CHM: variants seen among roughly 807,000 people sequenced by gnomAD.
CHM encodes rab proteins geranylgeranyltransferase component A 1.
Under a neutral mutation model 49.0 loss-of-function variants are expected in CHM, and 10 were observed. The observed-to-expected ratio is 0.20, with a 90% CI of 0.13 to 0.35. The LOEUF is 0.35. Ranked by LOEUF, CHM falls within the 10% of genes least tolerant of loss-of-function variation. The pLI is 1.00. For synonymous variants in CHM, 184 were observed against 167.5 expected (o/e 1.10, Z -0.76); for missense variants, 455 against 478.4 (o/e 0.95, Z 0.46).
chrX:86,036,648 G>A (rs895519594), intron 1 of CHM, among the ~76,000 whole-genome samples: 1 of 112,014 alleles, frequency 8.9e-6, no homozygotes, highest in Admixed American at 9.4e-5. Context: ...TTCAAGGTAT[G>A]GCAAGGAAAT....
At chrX:86,032,950 T>C (rs1308099404) in intron 1 of CHM, among the ~76,000 whole-genome samples, 1 of 111,588 alleles carries the variant, frequency 9.0e-6, no homozygotes, top group East Asian at 2.8e-4. Flanking sequence ...TTTCTGCAAT[T>C]TTCTAAAAAC....
chrX:85,963,500 AAT>A (rs1297895678), intron 5 of CHM, among the ~76,000 whole-genome samples, 163 bp downstream of exon 5: 6 of 112,524 alleles, frequency 5.3e-5, no homozygotes, highest in Admixed American at 1.9e-4. Context: ...GAGCACTTTA[AAT>A]ATGTTTTTAA....
At chrX:85,878,816 A>G in intron 13 of CHM, 149 bp downstream of exon 13, 1 of 473,668 alleles carries the variant, frequency 2.1e-6, no homozygotes, top group East Asian at 3.9e-5. Flanking sequence ...TTAGGCAGAC[A>G]CTGTGCTCAA....
intron 2 of CHM, among the ~76,000 whole-genome samples, chrX:86,002,432 GT>G: frequency 9.0e-6 from 1 of 111,441 alleles, no homozygotes; most frequent in Non-Finnish European, 1.9e-5. Flanking sequence ...TGCCATAACT[GT>G]TCCAAGATGG....
chrX:86,010,832 G>A (rs1933044085), intron 2 of CHM, among the ~76,000 whole-genome samples: 2 of 111,991 alleles, frequency 1.8e-5, no homozygotes, highest in African/African-American at 6.5e-5. Flanking sequence ...AAGAATGCTG[G>A]AATAGGAACA....
intron 4 of CHM, among the ~76,000 whole-genome samples, chrX:85,965,669 G>A (rs191282849): frequency 9.0e-6 from 1 of 111,031 alleles, no homozygotes; most frequent in Non-Finnish European, 1.9e-5. Flanking sequence ...GTGAAAAAAA[G>A]AAGTGCCTTA....
chrX:85,905,993 C>T (rs372547127), intron 9 of CHM, among the ~76,000 whole-genome samples: 57 of 111,909 alleles, frequency 5.1e-4, no homozygotes, highest in African/African-American at 1.7e-3. Context: ...TCTGTAATGT[C>T]CCCCAGTAGA....
chrX:86,021,106 G>GTA (rs1312573619), intron 2 of CHM, among the ~76,000 whole-genome samples: 4 of 46,249 alleles, frequency 8.6e-5, no homozygotes, highest in African/African-American at 2.7e-4. Context: ...ATATATATAC[G>GTA]TATATATATG....
chrX:86,005,132 T>C (rs1932825208), intron 2 of CHM, among the ~76,000 whole-genome samples: 1 of 110,509 alleles, frequency 9.0e-6, no homozygotes, highest in Non-Finnish European at 1.9e-5. Flanking sequence ...CATAACCACA[T>C]GGAAACTGAA....
At chrX:85,968,953 G>T (rs1281590603) in intron 4 of CHM, 1 of 310,466 alleles carries the variant, frequency 3.2e-6, no homozygotes, top group Non-Finnish European at 4.3e-6. Context: ...CCTCTAAACT[G>T]TAAAAATTAC....
At chrX:85,907,022 A>G (rs1292914329) in intron 9 of CHM, among the ~76,000 whole-genome samples, 5 of 110,989 alleles carry the variant, frequency 4.5e-5, no homozygotes, top group African/African-American at 9.8e-5. Flanking sequence ...CCCAGCTACT[A>G]GGGGGGCTGA....
At chrX:85,982,096 G>A (rs937209879) in intron 2 of CHM, among the ~76,000 whole-genome samples, 4 of 111,900 alleles carry the variant, frequency 3.6e-5, no homozygotes, top group Non-Finnish European at 7.5e-5. Flanking sequence ...CGCCTGACAT[G>A]GGCATTTAGC....
intron 8 of CHM, among the ~76,000 whole-genome samples, chrX:85,913,342 AAGAAAGAAAGAAAGAAAGAAAG>A (rs1355789334): frequency 0.034 from 2,679 of 78,346 alleles, 312 homozygotes; most frequent in Non-Finnish European, 0.057. Flanking sequence ...AAAAGAAAGA[AAGAAAGAAAGAAAGAAAGAAAG>A]AAAGAAAGAA....
chrX:85,955,579 T>C (rs982258413), intron 8 of CHM, among the ~76,000 whole-genome samples: 2 of 112,205 alleles, frequency 1.8e-5, no homozygotes, highest in Admixed American at 9.4e-5. Context: ...ATTTTAAATG[T>C]TGGCAAACAT....
chrX:85,991,064 C>T (rs1932163584), intron 2 of CHM, among the ~76,000 whole-genome samples: 1 of 111,654 alleles, frequency 9.0e-6, no homozygotes, highest in Non-Finnish European at 1.9e-5. Flanking sequence ...CAAGGTTGCT[C>T]GATGGGAACA....
chrX:85,937,339 C>T (rs1389609128), intron 8 of CHM, among the ~76,000 whole-genome samples: 6 of 108,600 alleles, frequency 5.5e-5, no homozygotes, highest in Non-Finnish European at 9.5e-5. Flanking sequence ...CAGCTCCAAA[C>T]ACTTGCCTTA....
chrX:85,999,231 C>G (rs769840644), intron 2 of CHM, among the ~76,000 whole-genome samples: 1 of 110,903 alleles, frequency 9.0e-6, no homozygotes, highest in Admixed American at 9.6e-5. Flanking sequence ...TTAAAACATA[C>G]CAATGTTTTC....
chrX:86,003,993 T>C, intron 2 of CHM, among the ~76,000 whole-genome samples: 2 of 111,307 alleles, frequency 1.8e-5, no homozygotes, highest in Admixed American at 1.9e-4. Context: ...AAAGAAAAAA[T>C]GTTAAGGGCA....
chrX:85,986,781 C>T (rs762783855), intron 2 of CHM, among the ~76,000 whole-genome samples: 33 of 111,896 alleles, frequency 2.9e-4, no homozygotes, highest in South Asian at 7.5e-4. Flanking sequence ...CTTCAAACAA[C>T]CACACCAGTT....
Sources: gnomAD v4.1 joint callset for allele counts (sites outside exome capture counted in the v4.1 genomes callset) on GRCh38, gnomAD v4.1.1 for gene constraint, MANE v1.5 for transcripts, NCBI Gene and HGNC (gene_info 2026-07-23, HGNC 2026-07-21) for gene names.